Variants in DARS1 observed in about 807,000 individuals in gnomAD.
The protein encoded by DARS1 is aspartate--tRNA ligase, cytoplasmic.
Under a neutral mutation model 68.8 loss-of-function variants are expected in DARS1, and 51 were observed. The observed-to-expected ratio is 0.74, with a 90% CI of 0.59 to 0.94. DARS1 has a LOEUF of 0.94. Ranked by LOEUF, DARS1 falls within the 40% of genes least tolerant of loss-of-function variation. The pLI is 0.00. For synonymous variants in DARS1, 203 were observed against 190.4 expected (o/e 1.07, Z -0.55); for missense variants, 607 against 597.3 (o/e 1.02, Z -0.17).
chr2:135,973,845 C>G (rs549131945), intron 3 of DARS1, among the ~76,000 whole-genome samples: 1 of 152,068 alleles, frequency 6.6e-6, no homozygotes, highest in Admixed American at 6.6e-5. Flanking sequence ...CAGCCTGGGC[C>G]ATACTTGTCT....
intron 3 of DARS1, among the ~76,000 whole-genome samples, chr2:135,968,798 A>T (rs1447167623): frequency 6.6e-6 from 1 of 151,418 alleles, no homozygotes; most frequent in Non-Finnish European, 1.5e-5. Flanking sequence ...GGTAGCTGGG[A>T]TTACAGGCGT....
At chr2:135,934,263 C>T (rs1000129821) in intron 5 of DARS1, among the ~76,000 whole-genome samples, 25 of 152,056 alleles carry the variant, frequency 1.6e-4, no homozygotes, top group Admixed American at 1.1e-3. Flanking sequence ...TTTTAAGATG[C>T]CTACCAATGT....
intron 4 of DARS1, among the ~76,000 whole-genome samples, chr2:135,959,106 C>T (rs1682041302): frequency 6.6e-6 from 1 of 151,830 alleles, no homozygotes; most frequent in Non-Finnish European, 1.5e-5. Context: ...GAAAGATCAC[C>T]CATGGCCGGC....
At chr2:135,920,429 C>G (rs1450764898) in intron 10 of DARS1, 24 bp downstream of exon 10, 9 of 1,602,100 alleles carry the variant, frequency 5.6e-6, no homozygotes, top group Admixed American at 1.7e-5. Flanking sequence ...TTAAGTCCAT[C>G]TAGGTGCATA....
At chr2:135,943,512 A>T in intron 4 of DARS1, 32 bp from the exon 5 acceptor site, 3 of 1,608,584 alleles carry the variant, frequency 1.9e-6, no homozygotes, top group Non-Finnish European at 2.5e-6. Flanking sequence ...AACTTGAATC[A>T]TCTCATCAGA....
intron 2 of DARS1, 25 bp downstream of exon 2, chr2:135,983,372 T>A (rs1413597791): frequency 1.1e-6 from 1 of 887,748 alleles, no homozygotes; most frequent in Admixed American, 2.0e-5. Context: ...AAAAAAGCTT[T>A]ATTTACTGTC....
intron 7 of DARS1, 123 bp downstream of exon 7, chr2:135,932,660 T>G: frequency 1.7e-6 from 1 of 573,324 alleles, no homozygotes; most frequent in Non-Finnish European, 3.1e-6. Flanking sequence ...AATTGTTTCC[T>G]GTATTATCAT....
chr2:135,923,569 T>C (rs1681152045), intron 8 of DARS1, among the ~76,000 whole-genome samples: 1 of 152,162 alleles, frequency 6.6e-6, no homozygotes, highest in Non-Finnish European at 1.5e-5. Context: ...ATTACAGGCA[T>C]GAGCCACTGC....
chr2:135,943,193 G>A (rs1010973966), intron 5 of DARS1, 185 bp downstream of exon 5: 9 of 780,580 alleles, frequency 1.2e-5, no homozygotes, highest in African/African-American at 1.1e-4. Flanking sequence ...GCAAATAAAT[G>A]TTTGTTGTTT....
chr2:135,942,979 T>C (rs1009436801), intron 5 of DARS1, among the ~76,000 whole-genome samples: 2 of 152,216 alleles, frequency 1.3e-5, no homozygotes, highest in African/African-American at 4.8e-5. Context: ...GTGACACAAG[T>C]AGAAGCTTGA....
In DARS1 at chr2:135,985,593, C is replaced by A; in HGVS notation, c.-125G>T. On this transcript the variant is annotated 5_prime_UTR_variant, in exon 1 of 16. Coordinates refer to ENST00000264161, the MANE Select transcript of DARS1 (RefSeq NM_001349.4). ...ACCCTGGGGTCTCAGCACACGCGCT[C>A]GGACTCCGCGTGGAGGTGCGGCTCC... is the stretch of plus-strand genomic sequence containing the variant. The A allele has an allele frequency of 1.3e-6, 2 of 1,544,956 alleles. No homozygotes were observed. The highest frequency in any genetic ancestry group is 1.8e-6 in the Non-Finnish European group (2 of 1,141,498).
intron 7 of DARS1, among the ~76,000 whole-genome samples, chr2:135,928,239 C>T (rs1681266375): frequency 6.6e-6 from 1 of 152,070 alleles, no homozygotes; most frequent in Non-Finnish European, 1.5e-5. Flanking sequence ...AATTCCTGTT[C>T]ATTTATGGTT....
chr2:135,917,748 G>A (rs960046005), intron 10 of DARS1, among the ~76,000 whole-genome samples: 1 of 151,894 alleles, frequency 6.6e-6, no homozygotes, highest in Non-Finnish European at 1.5e-5. Context: ...CAAAGTGTTA[G>A]GATTACAGAT....
chr2:135,907,234 G>A lies in DARS1; in HGVS notation c.*82C>T. On this transcript the variant is annotated 3_prime_UTR_variant, in exon 16 of 16. Coordinates refer to ENST00000264161, the MANE Select transcript of DARS1 (RefSeq NM_001349.4). ...TAGCAGGTTACTGAAAAGAATAAGT[G>A]TGGCTTTCTTTTTTTTTTTTTTTTT... 1.3e-6 allele frequency: 1 copy of A among 782,210 alleles called. No homozygotes were observed. Among genetic ancestry groups the A allele is most frequent in the African/African-American group, 2.3e-5 (1 of 43,906 alleles). The allele number at this position is 782,210 out of a possible 1,614,324, so 48.5% of individuals were successfully genotyped here.
chr2:135,985,144 T>G, intron 1 of DARS1: 1 of 531,752 alleles, frequency 1.9e-6, no homozygotes, highest in Non-Finnish European at 3.3e-6. Context: ...CCGGGGCGGC[T>G]GGTTCTTCCC....
intron 3 of DARS1, among the ~76,000 whole-genome samples, chr2:135,970,617 A>G (rs1041117736): frequency 2.6e-5 from 4 of 152,106 alleles, no homozygotes; most frequent in African/African-American, 9.6e-5. Flanking sequence ...CAGAGCAGAA[A>G]TAAATGAATT....
chr2:135,955,560 C>A (rs1423374793), intron 4 of DARS1, among the ~76,000 whole-genome samples: 2 of 151,558 alleles, frequency 1.3e-5, no homozygotes, highest in African/African-American at 4.8e-5. Flanking sequence ...GTACAAAATG[C>A]CCAAACACAA....
chr2:135,976,612 GA>G (rs1031755586), intron 3 of DARS1, among the ~76,000 whole-genome samples: 1 of 146,930 alleles, frequency 6.8e-6, no homozygotes, highest in Admixed American at 6.8e-5. Context: ...GTCACAAATG[GA>G]AAAAAAAACA....
intron 3 of DARS1, among the ~76,000 whole-genome samples, chr2:135,972,772 T>C (rs1334310562): frequency 3.3e-5 from 5 of 152,086 alleles, no homozygotes; most frequent in Non-Finnish European, 4.4e-5. Context: ...AAGATTTAAA[T>C]AGACATTTCT....
Sources: allele counts gnomAD v4.1 joint callset (sites outside exome capture counted in the v4.1 genomes callset), GRCh38; gene constraint gnomAD v4.1.1; transcripts MANE v1.5; gene names NCBI Gene and HGNC (gene_info 2026-07-23, HGNC 2026-07-21).